PDE4B: variants seen among roughly 807,000 people sequenced by gnomAD.
PDE4B encodes the protein phosphodiesterase 4B.
Under a neutral mutation model 82.2 loss-of-function variants are expected in PDE4B, and 20 were observed. The ratio of observed to expected loss-of-function variants is 0.24; its 90% CI spans 0.17 to 0.35. The LOEUF is 0.35. Among genes scored for constraint, PDE4B ranks in the 10% least tolerant of loss-of-function variants. PDE4B has a pLI of 1.00. For synonymous variants in PDE4B, 320 were observed against 318.9 expected (o/e 1.00, Z -0.04); for missense variants, 655 against 907.2 (o/e 0.72, Z 3.57).
chr1:65,874,232 G>A (rs1031460567), intron 1 of PDE4B, among the ~76,000 whole-genome samples: 3 of 151,674 alleles, frequency 2.0e-5, no homozygotes, highest in Non-Finnish European at 2.9e-5. Flanking sequence ...TGTTGTTGGT[G>A]TATAAGAATG....
intron 3 of PDE4B, among the ~76,000 whole-genome samples, chr1:65,946,497 C>T (rs1648720066): frequency 6.6e-6 from 1 of 151,974 alleles, no homozygotes. Context: ...TCTAGCACAT[C>T]ACTATCTTCA....
At chr1:65,946,058 A>C (rs1339395737) in intron 3 of PDE4B, among the ~76,000 whole-genome samples, 1 of 152,014 alleles carries the variant, frequency 6.6e-6, no homozygotes, top group Non-Finnish European at 1.5e-5. Flanking sequence ...TTACACCCAC[A>C]CACTGAGTTG....
chr1:66,168,771 CA>C (rs1050815786), intron 3 of PDE4B, among the ~76,000 whole-genome samples: 7 of 152,168 alleles, frequency 4.6e-5, no homozygotes, highest in Non-Finnish European at 7.4e-5. Context: ...AGGACAAGGG[CA>C]TAAGAGGAAG....
chr1:66,106,730 G>A (rs377591350), intron 3 of PDE4B, among the ~76,000 whole-genome samples: 2 of 151,594 alleles, frequency 1.3e-5, no homozygotes, highest in African/African-American at 2.4e-5. Flanking sequence ...TTGCATAGAG[G>A]TGTTTGTAGT....
chr1:66,197,720 A>G (rs1376760735), intron 3 of PDE4B, among the ~76,000 whole-genome samples: 1 of 152,140 alleles, frequency 6.6e-6, no homozygotes, highest in Non-Finnish European at 1.5e-5. Context: ...AAAATAAATA[A>G]ACTTATTTAA....
chr1:66,285,169 C>T (rs1656581453), intron 7 of PDE4B, among the ~76,000 whole-genome samples: 1 of 152,032 alleles, frequency 6.6e-6, no homozygotes, highest in African/African-American at 2.4e-5. Flanking sequence ...AATGTTTAAG[C>T]CTCAAAACAA....
At chr1:65,980,950 G>A (rs796215311) in intron 3 of PDE4B, among the ~76,000 whole-genome samples, 28 of 152,130 alleles carry the variant, frequency 1.8e-4, no homozygotes, top group African/African-American at 6.0e-4. Context: ...AAATTTATTG[G>A]CTATAGATAA....
rs1019663897 is a variant in PDE4B, at chr1:66,201,050, A to C, written c.282-46410A>C. On this transcript the variant is annotated intron_variant, in intron 3 of 16. Transcript: ENST00000341517. Reference sequence around the variant, plus strand: ...TACCTAATTTATTGAGAGTTTTTGGAATGAAGCATTGTTGAATTTTGTCAA... The same window carrying C: ...TACCTAATTTATTGAGAGTTTTTGGCATGAAGCATTGTTGAATTTTGTCAA... Among the ~76,000 whole-genome samples the C allele has an allele frequency of 1.2e-4, 18 of 152,198 alleles. No individual in the cohort carries two copies. The East Asian group carries it at 3.5e-3, about 29-fold the overall frequency.
intron 3 of PDE4B, among the ~76,000 whole-genome samples, chr1:65,965,251 C>CG (rs1463661798): frequency 1.3e-5 from 2 of 151,910 alleles, no homozygotes; most frequent in African/African-American, 4.8e-5. Context: ...TTTCCTCCCC[C>CG]CCCCATGGAA....
chr1:65,920,058 G>A (rs1270575905), intron 3 of PDE4B, among the ~76,000 whole-genome samples: 2 of 152,136 alleles, frequency 1.3e-5, no homozygotes, highest in African/African-American at 4.8e-5. Context: ...AGAATTAAAA[G>A]GGCACATAGG....
At chr1:66,189,168 C>G (rs1398015237) in intron 3 of PDE4B, among the ~76,000 whole-genome samples, 51 of 151,464 alleles carry the variant, frequency 3.4e-4, no homozygotes, top group Middle Eastern at 3.4e-3. Context: ...GGCCCCCACT[C>G]TCTGCTGGCT....
intron 3 of PDE4B, among the ~76,000 whole-genome samples, chr1:65,985,446 C>T (rs1650908006): frequency 6.6e-6 from 1 of 151,918 alleles, no homozygotes; most frequent in Non-Finnish European, 1.5e-5. Context: ...CTATTTCAGA[C>T]AAGACTACTG....
chr1:66,171,792 G>A (rs1268169005), intron 3 of PDE4B, among the ~76,000 whole-genome samples: 1 of 152,046 alleles, frequency 6.6e-6, no homozygotes, highest in Non-Finnish European at 1.5e-5. Flanking sequence ...CATAGTTCCT[G>A]GCACATATGA....
chr1:66,337,652 T>C (rs747670886), intron 8 of PDE4B, among the ~76,000 whole-genome samples: 30 of 152,204 alleles, frequency 2.0e-4, no homozygotes, highest in Non-Finnish European at 5.9e-5. Context: ...CAGGCTGTTA[T>C]GGAGGGATAT....
At chr1:66,260,291 C>T (rs976332504) in intron 6 of PDE4B, among the ~76,000 whole-genome samples, 1 of 152,174 alleles carries the variant, frequency 6.6e-6, no homozygotes, top group Non-Finnish European at 1.5e-5. Flanking sequence ...AACCTGTAAT[C>T]CTGACTGTCA....
intron 1 of PDE4B, among the ~76,000 whole-genome samples, chr1:65,818,867 C>G (rs1018538870): frequency 6.6e-6 from 1 of 152,062 alleles, no homozygotes; most frequent in African/African-American, 2.4e-5. Context: ...ATAAGCTCAA[C>G]AAAGTCAGGG....
intron 1 of PDE4B, among the ~76,000 whole-genome samples, chr1:65,830,492 T>A (rs934447853): frequency 6.6e-6 from 1 of 152,208 alleles, no homozygotes; most frequent in South Asian, 2.1e-4. Flanking sequence ...ATGAGTCATG[T>A]TGATAGCAAG....
chr1:65,872,899 C>T (rs1438832979), intron 1 of PDE4B, among the ~76,000 whole-genome samples: 3 of 152,028 alleles, frequency 2.0e-5, no homozygotes, highest in African/African-American at 2.4e-5. Context: ...ACTGATAAAA[C>T]GACTGAGGAT....
chr1:65,998,633 C>T (rs540301621), intron 3 of PDE4B, among the ~76,000 whole-genome samples: 6 of 151,976 alleles, frequency 3.9e-5, no homozygotes, highest in Admixed American at 1.3e-4. Flanking sequence ...TATGACTTAA[C>T]AAATTATGGT....
Sources: allele counts gnomAD v4.1 joint callset (sites outside exome capture counted in the v4.1 genomes callset), GRCh38; gene constraint gnomAD v4.1.1; transcripts MANE v1.5; gene names NCBI Gene and HGNC (gene_info 2026-07-23, HGNC 2026-07-21).